CA1: variants seen among roughly 807,000 people sequenced by gnomAD.
The protein encoded by CA1 is carbonate dehydratase I.
In CA1, 27 loss-of-function variants were observed where a neutral mutation model predicts 28.8. The ratio of observed to expected loss-of-function variants is 0.94; its 90% CI spans 0.69 to 1.29. CA1 has a LOEUF of 1.29. Ranked by LOEUF, CA1 falls within the 50% of genes most tolerant of loss-of-function variation. The probability of loss-of-function intolerance (pLI) is 0.00; values close to 1 mark genes in which losing one functional copy is unlikely to be tolerated. For synonymous variants in CA1, 121 were observed against 108.8 expected (o/e 1.11, Z -0.70); for missense variants, 335 against 310.5 (o/e 1.08, Z -0.59).
intron 1 of CA1, among the ~76,000 whole-genome samples, chr8:85,345,854 TCTTTGTAAGTGTCAAATTTTTGACA>T (rs1176182482): frequency 1.2e-4 from 18 of 152,312 alleles, no homozygotes; most frequent in South Asian, 1.0e-3. Context: ...AGAACACTGA[TCTTTGTAAGTGTCAAATTTTTGACA>T]CTTTGTAAGT....
intron 1 of CA1, among the ~76,000 whole-genome samples, chr8:85,377,409 A>G (rs945622394): frequency 3.3e-5 from 5 of 152,358 alleles, no homozygotes; most frequent in Middle Eastern, 3.4e-3. Context: ...GATATAATAT[A>G]TAATATTTAA....
intron 1 of CA1, among the ~76,000 whole-genome samples, chr8:85,361,946 A>G (rs1809813256): frequency 6.6e-6 from 1 of 152,186 alleles, no homozygotes; most frequent in Non-Finnish European, 1.5e-5. Context: ...GAGGTAATAT[A>G]GTAGTTTTCT....
At chr8:85,349,452 A>C (rs959297076) in intron 1 of CA1, among the ~76,000 whole-genome samples, 2 of 152,136 alleles carry the variant, frequency 1.3e-5, no homozygotes, top group Non-Finnish European at 2.9e-5. Flanking sequence ...TTTTTTCATT[A>C]CTTTTTACTT....
At chr8:85,345,645 T>C (rs191678935) in intron 1 of CA1, among the ~76,000 whole-genome samples, 1 of 152,342 alleles carries the variant, frequency 6.6e-6, no homozygotes, top group East Asian at 1.9e-4. Flanking sequence ...AAGAGCAGAA[T>C]GTTATCAGGG....
intron 1 of CA1, among the ~76,000 whole-genome samples, chr8:85,359,060 G>C (rs1809702030): frequency 6.6e-6 from 1 of 152,100 alleles, no homozygotes; most frequent in African/African-American, 2.4e-5. Context: ...AGTGTGAGAT[G>C]GTTTAGAAAG....
At chr8:85,376,255 G>A (rs1442096584) in intron 1 of CA1, among the ~76,000 whole-genome samples, 9 of 151,964 alleles carry the variant, frequency 5.9e-5, no homozygotes, top group East Asian at 1.9e-4. Flanking sequence ...TGCTTGAACC[G>A]GGAGGCAGAG....
intron 1 of CA1, among the ~76,000 whole-genome samples, chr8:85,346,665 G>A (rs1275024860): frequency 2.0e-5 from 3 of 152,138 alleles, no homozygotes; most frequent in Non-Finnish European, 2.9e-5. Context: ...GGGAGGCTGA[G>A]GCAGGAGAAT....
At chr8:85,360,663 A>G (rs538303206) in intron 1 of CA1, among the ~76,000 whole-genome samples, 4 of 152,350 alleles carry the variant, frequency 2.6e-5, no homozygotes, top group Admixed American at 6.5e-5. Context: ...ACTGCACTCC[A>G]GCCTGGGCGA....
At chr8:85,372,134 T>G (rs1273327143) in intron 1 of CA1, among the ~76,000 whole-genome samples, 1 of 152,172 alleles carries the variant, frequency 6.6e-6, no homozygotes, top group Non-Finnish European at 1.5e-5. Flanking sequence ...TATCCTCATT[T>G]TACAAGCGAG....
chr8:85,344,292 TATATA>T (rs1426719575), intron 1 of CA1, among the ~76,000 whole-genome samples: 3 of 56,246 alleles, frequency 5.3e-5, no homozygotes, highest in African/African-American at 1.8e-4. Flanking sequence ...TTATATACAG[TATATA>T]ATATAATTAT....
At chr8:85,346,107 C>T (rs1284141591) in intron 1 of CA1, among the ~76,000 whole-genome samples, 2 of 152,112 alleles carry the variant, frequency 1.3e-5, no homozygotes, top group African/African-American at 4.8e-5. Context: ...TTTTAATACA[C>T]AGCATAAAGA....
intron 1 of CA1, among the ~76,000 whole-genome samples, chr8:85,344,081 G>GTATATATA (rs56308220): frequency 0.015 from 1,949 of 128,526 alleles, 32 homozygotes; most frequent in African/African-American, 0.033. Flanking sequence ...TAAACTAAAA[G>GTATATATA]TATATATATA....
At chr8:85,361,516 A>T (rs1809796522) in intron 1 of CA1, among the ~76,000 whole-genome samples, 1 of 152,004 alleles carries the variant, frequency 6.6e-6, no homozygotes, top group East Asian at 1.9e-4. Flanking sequence ...CTGTCTACTA[A>T]AAATACACAA....
At chr8:85,341,735 C>A in intron 1 of CA1, 76 bp from the exon 2 acceptor site, 2 of 816,600 alleles carry the variant, frequency 2.4e-6, no homozygotes, top group Admixed American at 1.8e-5. Context: ...CCTGCTTGGG[C>A]GTTTTTATAG....
chr8:85,354,766 G>A (rs577050499), intron 1 of CA1, among the ~76,000 whole-genome samples: 5 of 152,270 alleles, frequency 3.3e-5, no homozygotes, highest in African/African-American at 1.2e-4. Flanking sequence ...GAGAAAACAA[G>A]TTTGTGAGCA....
At chr8:85,370,311 A>G (rs1321295556) in intron 1 of CA1, among the ~76,000 whole-genome samples, 1 of 152,122 alleles carries the variant, frequency 6.6e-6, no homozygotes, top group Non-Finnish European at 1.5e-5. Flanking sequence ...ACTTCATTCA[A>G]ACCTCTGGGG....
intron 1 of CA1, among the ~76,000 whole-genome samples, chr8:85,377,030 A>T (rs975959676): frequency 2.6e-5 from 4 of 152,218 alleles, no homozygotes; most frequent in Non-Finnish European, 4.4e-5. Flanking sequence ...AGTCAAATCC[A>T]CAATATTAAC....
intron 1 of CA1, among the ~76,000 whole-genome samples, chr8:85,362,990 A>G (rs1809856864): frequency 6.6e-6 from 1 of 152,238 alleles, no homozygotes; most frequent in Non-Finnish European, 1.5e-5. Context: ...GTGGCACAAT[A>G]GCACGAAAGA....
At chr8:85,349,206 G>A (rs892842028) in intron 1 of CA1, among the ~76,000 whole-genome samples, 1 of 152,176 alleles carries the variant, frequency 6.6e-6, no homozygotes, top group African/African-American at 2.4e-5. Context: ...TTTTACTCCT[G>A]TACTTTTTTT....
Sources: allele counts gnomAD v4.1 joint callset (sites outside exome capture counted in the v4.1 genomes callset), GRCh38; gene constraint gnomAD v4.1.1; transcripts MANE v1.5; gene names NCBI Gene and HGNC (gene_info 2026-07-23, HGNC 2026-07-21).